Variants in PRKCB observed in about 807,000 individuals in gnomAD.
PRKCB encodes the protein protein kinase C beta, also known as protein kinase C beta type.
Under a neutral mutation model 81.5 loss-of-function variants are expected in PRKCB, and 13 were observed. The observed-to-expected ratio is 0.16, with a 90% CI of 0.10 to 0.25. The LOEUF (loss-of-function observed/expected upper bound fraction) is 0.25. Among genes scored for constraint, PRKCB ranks in the 10% least tolerant of loss-of-function variants. PRKCB has a pLI of 1.00. For synonymous variants in PRKCB, 335 were observed against 321.4 expected, an observed-to-expected ratio of 1.04 and a Z score of -0.45; for missense variants, 509 against 875.7, an observed-to-expected ratio of 0.58 and a Z score of 5.29.
intron 5 of PRKCB, among the ~76,000 whole-genome samples, chr16:24,077,445 C>T (rs149984522): frequency 1.2e-3 from 187 of 151,676 alleles, no homozygotes; most frequent in African/African-American, 4.4e-3. Flanking sequence ...TCCATACATT[C>T]ATCCATCTAA....
At chr16:24,001,064 G>C (rs930918788) in intron 3 of PRKCB, among the ~76,000 whole-genome samples, 3 of 151,978 alleles carry the variant, frequency 2.0e-5, no homozygotes, top group Admixed American at 6.6e-5. Context: ...CACAAAGAAG[G>C]CACTCAATAC....
chr16:24,190,391 A>T (rs1027847109), intron 15 of PRKCB, among the ~76,000 whole-genome samples: 1 of 151,846 alleles, frequency 6.6e-6, no homozygotes, highest in Non-Finnish European at 1.5e-5. Context: ...AAGTTTGAAG[A>T]TATTGAAACT....
At chr16:23,967,155 G>T (rs8064095) in intron 2 of PRKCB, among the ~76,000 whole-genome samples, 597 of 152,268 alleles carry the variant, frequency 3.9e-3, no homozygotes, top group African/African-American at 0.012. Context: ...TTTCAAGGTC[G>T]TTGGTGTGGA....
chr16:24,109,008 G>C (rs1161442840), intron 7 of PRKCB, among the ~76,000 whole-genome samples: 1 of 106,336 alleles, frequency 9.4e-6, no homozygotes, highest in African/African-American at 3.3e-5. Context: ...CCTCCCGGAC[G>C]GGGCGGCTGG....
chr16:24,184,951 T>A (rs944361412), intron 13 of PRKCB, among the ~76,000 whole-genome samples, 160 bp from the exon 14 acceptor site: 2 of 152,242 alleles, frequency 1.3e-5, no homozygotes, highest in Non-Finnish European at 2.9e-5. Context: ...TTTGCCCAGC[T>A]GCAGGTGCCT....
At chr16:23,966,707 A>G (rs1396313567) in intron 2 of PRKCB, among the ~76,000 whole-genome samples, 1 of 152,160 alleles carries the variant, frequency 6.6e-6, no homozygotes, top group Non-Finnish European at 1.5e-5. Context: ...TCAGGTGTGG[A>G]TTTCTGTGAA....
intron 10 of PRKCB, among the ~76,000 whole-genome samples, chr16:24,161,818 G>T (rs1320276623): frequency 6.6e-6 from 1 of 152,150 alleles, no homozygotes; most frequent in South Asian, 2.1e-4. Flanking sequence ...AATGGAGGTT[G>T]CCGGCATTAT....
rs552807428 is a variant in PRKCB at position 24,196,339 on chromosome 16, G to A, written c.1863+5109G>A. Among the ~76,000 whole-genome samples, 11 of 152,254 alleles carry A rather than the reference G, an allele frequency of 7.2e-5. 1 individual carries two copies. The South Asian group carries it at 1.7e-3, about 23-fold the overall frequency. ...ATGGTGTTTTTCTTATGTACAGCAG[G>A]GTATCGCAAATAAATTGGTTGTTGT... On this transcript the variant is annotated intron_variant, in intron 16 of 16. Coordinates refer to ENST00000643927, the MANE Select transcript of PRKCB (RefSeq NM_002738.7).
At chr16:23,981,580 CT>C (rs1567333296) in intron 2 of PRKCB, among the ~76,000 whole-genome samples, 461 of 29,256 alleles carry the variant, frequency 0.016, 1 homozygote, top group African/African-American at 0.047. Flanking sequence ...CTTTCTTTTC[CT>C]TTCCTTTCCT....
chr16:24,038,521 A>T (rs762242580), intron 5 of PRKCB, among the ~76,000 whole-genome samples: 1 of 152,262 alleles, frequency 6.6e-6, no homozygotes, highest in Non-Finnish European at 1.5e-5. Context: ...CATGCTGAGC[A>T]GGGGTGAGCA....
chr16:23,891,015 GTGTGTGTA>G (rs1963285360), intron 2 of PRKCB, among the ~76,000 whole-genome samples: 1 of 151,300 alleles, frequency 6.6e-6, no homozygotes, highest in Non-Finnish European at 1.5e-5. Context: ...GTGTGTGTGT[GTGTGTGTA>G]TATATATAAT....
In PRKCB at chr16:24,217,070, G is replaced by A. The variant is rs1968238648; in HGVS notation, c.*2254G>A. 2.0e-6 allele frequency: 2 copies of A among 983,730 alleles called. No homozygotes were observed. Among genetic ancestry groups the A allele is most frequent in the South Asian group, 9.4e-5 (2 of 21,188 alleles). The allele number at this position is 983,730 out of a possible 1,614,324, so 60.9% of individuals were successfully genotyped here. On this transcript the variant is annotated 3_prime_UTR_variant, in exon 17 of 17. Transcript: ENST00000643927. ...ATCTGAGACAACTTTAGAAAACAAT[G>A]TAGGATGAATGGAAAGAGAAAGAAA...
At chr16:24,125,320 CTT>C (rs994103793) in intron 9 of PRKCB, among the ~76,000 whole-genome samples, 3 of 55,356 alleles carry the variant, frequency 5.4e-5, no homozygotes, top group Non-Finnish European at 1.1e-4. Context: ...TCATCTGGCC[CTT>C]GTTCTCTGTG....
At chr16:23,891,654 G>A (rs1963297196) in intron 2 of PRKCB, among the ~76,000 whole-genome samples, 1 of 152,166 alleles carries the variant, frequency 6.6e-6, no homozygotes, top group South Asian at 2.1e-4. Context: ...CAACAAAGAA[G>A]GGTGAGGCTT....
At chr16:23,941,912 A>G (rs1964144747) in intron 2 of PRKCB, among the ~76,000 whole-genome samples, 1 of 152,260 alleles carries the variant, frequency 6.6e-6, no homozygotes, top group African/African-American at 2.4e-5. Flanking sequence ...CAAGAAAAGA[A>G]ACATATAAAT....
intron 8 of PRKCB, among the ~76,000 whole-genome samples, chr16:24,113,395 CTCTCTT>C (rs1048307276): frequency 5.3e-5 from 8 of 150,582 alleles, no homozygotes; most frequent in Non-Finnish European, 1.2e-4. Context: ...CTTCCTTCCT[CTCTCTT>C]TCTCTTTCCC....
chr16:23,924,358 A>G (rs1053337018), intron 2 of PRKCB, among the ~76,000 whole-genome samples: 1 of 152,012 alleles, frequency 6.6e-6, no homozygotes, highest in African/African-American at 2.4e-5. Flanking sequence ...AGTCTCGGGT[A>G]GTATCAAGAT....
chr16:23,954,115 T>C (rs1205086243), intron 2 of PRKCB, among the ~76,000 whole-genome samples: 1 of 152,110 alleles, frequency 6.6e-6, no homozygotes, highest in Non-Finnish European at 1.5e-5. Context: ...TACATATGTA[T>C]ACATGTGCCA....
At chr16:24,018,752 G>C (rs1965319572) in intron 3 of PRKCB, among the ~76,000 whole-genome samples, 1 of 152,226 alleles carries the variant, frequency 6.6e-6, no homozygotes, top group Non-Finnish European at 1.5e-5. Context: ...CAACACACAA[G>C]TGTTTACATG....
Sources: gnomAD v4.1 joint callset for allele counts (sites outside exome capture counted in the v4.1 genomes callset) on GRCh38, gnomAD v4.1.1 for gene constraint, MANE v1.5 for transcripts, NCBI Gene and HGNC (gene_info 2026-07-23, HGNC 2026-07-21) for gene names.